The following TNFSF4 variants were observed in gnomAD, a reference collection of about 807,000 sequenced individuals.
TNFSF4 encodes tumor necrosis factor ligand superfamily member 4.
A neutral mutation model predicts 7.3 loss-of-function variants in TNFSF4; 4 were observed. That is an observed-to-expected ratio of 0.55 (90% CI 0.27 to 1.25). The LOEUF (loss-of-function observed/expected upper bound fraction) is 1.25. Ranked by LOEUF, TNFSF4 falls within the 50% of genes most tolerant of loss-of-function variation. The pLI is 0.12. For missense variants in TNFSF4, 181 were observed against 208.8 expected, an observed-to-expected ratio of 0.87 and a Z score of 0.82; for synonymous variants, 76 against 83.7, an observed-to-expected ratio of 0.91 and a Z score of 0.50.
At chr1:173,306,330 C>G in the TNFSF4 span, among the ~76,000 whole-genome samples, 1 of 145,588 alleles carries the variant, frequency 6.9e-6, no homozygotes, top group East Asian at 2.0e-4. Context: ...GGCTTGGAAG[C>G]CTATAATGAG....
the TNFSF4 span, among the ~76,000 whole-genome samples, chr1:173,384,037 T>C: frequency 4.6e-5 from 7 of 152,216 alleles, no homozygotes; most frequent in African/African-American, 1.4e-4. Flanking sequence ...GTGGGGATAT[T>C]AGCCACTTCA....
At chr1:173,248,448 G>A in the TNFSF4 span, among the ~76,000 whole-genome samples, 3 of 146,998 alleles carry the variant, frequency 2.0e-5, no homozygotes, top group African/African-American at 7.5e-5. Context: ...AGAGGAGAAA[G>A]AGAGAGGGAG....
chr1:173,418,145 A>C, the TNFSF4 span: 1 of 152,328 alleles, frequency 6.6e-6, no homozygotes, highest in African/African-American at 2.4e-5. Context: ...GCTCTGCTGA[A>C]GCACGCAGGG....
At chr1:173,447,389 T>C in the TNFSF4 span, among the ~76,000 whole-genome samples, 1 of 152,144 alleles carries the variant, frequency 6.6e-6, no homozygotes, top group East Asian at 1.9e-4. Flanking sequence ...TTATGGACTT[T>C]GGGTGATAGT....
chr1:173,286,233 G>T, the TNFSF4 span, among the ~76,000 whole-genome samples: 32 of 152,102 alleles, frequency 2.1e-4, no homozygotes, highest in Non-Finnish European at 1.5e-5. Context: ...GATTTGATTT[G>T]TTTTGTTTTG....
In TNFSF4 at chr1:173,195,818, G is replaced by A. The variant is rs114060539; in HGVS notation, c.154-7249C>T. Among the ~76,000 whole-genome samples the A allele has an allele frequency of 3.6e-3, 542 of 152,330 alleles. 8 individuals carry two copies. The highest frequency in any genetic ancestry group is 4.6e-3 in the Non-Finnish European group (314 of 68,034). On this transcript the variant is annotated intron_variant, in intron 1 of 2. Coordinates refer to ENST00000281834, the MANE Select transcript of TNFSF4 (RefSeq NM_003326.5). ...AGGCCACAATGTCAAGGCCTTGGTG[G>A]TGGGCAGCAGTGGGACGTGGGCTAG... is the stretch of plus-strand genomic sequence containing the variant.
chr1:173,404,965 T>G, the TNFSF4 span, among the ~76,000 whole-genome samples: 2 of 152,192 alleles, frequency 1.3e-5, no homozygotes, highest in African/African-American at 4.8e-5. Context: ...AACATCTTCC[T>G]TCTTTCCCCA....
the TNFSF4 span, among the ~76,000 whole-genome samples, chr1:173,419,816 T>A: frequency 5.9e-5 from 9 of 152,214 alleles, no homozygotes; most frequent in Non-Finnish European, 1.3e-4. Context: ...TAAGATTTTT[T>A]AAAATAGATT....
intron 1 of TNFSF4, among the ~76,000 whole-genome samples, chr1:173,197,636 T>C (rs1571196233): frequency 1.3e-5 from 2 of 151,948 alleles, no homozygotes; most frequent in Non-Finnish European, 2.9e-5. Flanking sequence ...AGCTGAACAA[T>C]GAGAACACAT....
At chr1:173,406,587 C>T in the TNFSF4 span, among the ~76,000 whole-genome samples, 3 of 151,714 alleles carry the variant, frequency 2.0e-5, no homozygotes, top group Admixed American at 6.6e-5. Flanking sequence ...TAATTCAGGC[C>T]GGATTCATTG....
At chr1:173,236,349 T>G in the TNFSF4 span, among the ~76,000 whole-genome samples, 1 of 150,834 alleles carries the variant, frequency 6.6e-6, no homozygotes, top group East Asian at 1.9e-4. Flanking sequence ...ATTTGTAAGT[T>G]AAGTGCCTAG....
At chr1:173,431,437 T>C in the TNFSF4 span, among the ~76,000 whole-genome samples, 1 of 152,170 alleles carries the variant, frequency 6.6e-6, no homozygotes, top group African/African-American at 2.4e-5. Flanking sequence ...ATGCGCTGAT[T>C]GTTGGGCCTT....
chr1:173,267,626 G>T, the TNFSF4 span, among the ~76,000 whole-genome samples: 4 of 152,126 alleles, frequency 2.6e-5, no homozygotes, highest in Non-Finnish European at 1.5e-5. Flanking sequence ...GGTCATGAAT[G>T]ATCTAGGTGG....
the TNFSF4 span, among the ~76,000 whole-genome samples, chr1:173,321,568 C>T: frequency 6.6e-6 from 1 of 151,664 alleles, no homozygotes; most frequent in Non-Finnish European, 1.5e-5. Flanking sequence ...AAAATTTTTG[C>T]AAGATACCCA....
chr1:173,360,761 C>T, the TNFSF4 span, among the ~76,000 whole-genome samples: 4 of 152,236 alleles, frequency 2.6e-5, no homozygotes, highest in Middle Eastern at 3.4e-3. Context: ...GGCAAGGAAC[C>T]CATTTGTGAG....
the TNFSF4 span, among the ~76,000 whole-genome samples, chr1:173,374,637 A>C: frequency 1.3e-3 from 195 of 152,328 alleles, no homozygotes; most frequent in Non-Finnish European, 2.3e-3. Flanking sequence ...GACTTAAAAA[A>C]GATAAGTGAA....
the TNFSF4 span, among the ~76,000 whole-genome samples, chr1:173,177,374 T>G: frequency 2.0e-5 from 3 of 152,088 alleles, no homozygotes; most frequent in South Asian, 6.2e-4. Context: ...TTCTTACTCA[T>G]AAGTGGGACC....
chr1:173,360,825 T>C, the TNFSF4 span, among the ~76,000 whole-genome samples: 4 of 152,172 alleles, frequency 2.6e-5, no homozygotes, highest in African/African-American at 7.2e-5. Context: ...AAAGTCATCA[T>C]GTGAGCAAGA....
the TNFSF4 span, among the ~76,000 whole-genome samples, chr1:173,417,085 A>C: frequency 3.3e-4 from 50 of 152,222 alleles, no homozygotes; most frequent in Non-Finnish European, 5.7e-4. Flanking sequence ...TAATAACAGT[A>C]CTAAGAGGTA....
Sources: allele counts gnomAD v4.1 joint callset (sites outside exome capture counted in the v4.1 genomes callset), GRCh38; gene constraint gnomAD v4.1.1; transcripts MANE v1.5; gene names NCBI Gene and HGNC (gene_info 2026-07-23, HGNC 2026-07-21).